The following SUPT3H variants were observed in gnomAD, a reference collection of about 807,000 sequenced individuals.
The protein encoded by SUPT3H is SPT3 homolog, SAGA and STAGA complex component, also known as transcription initiation protein SPT3 homolog.
A neutral mutation model predicts 44.3 loss-of-function variants in SUPT3H; 44 were observed. That is an observed-to-expected ratio of 0.99 (90% confidence interval 0.78 to 1.28). The LOEUF (loss-of-function observed/expected upper bound fraction) is 1.28. SUPT3H is among the 50% of genes most tolerant of loss of function. The pLI, the probability that SUPT3H is intolerant of heterozygous loss-of-function variation, is 0.00. For synonymous variants in SUPT3H, 124 were observed against 125.6 expected, an observed-to-expected ratio of 0.99 and a Z score of 0.09; for missense variants, 380 against 387.1, an observed-to-expected ratio of 0.98 and a Z score of 0.15.
chr6:45,162,026 C>T (rs114958522), intron 2 of SUPT3H, among the ~76,000 whole-genome samples: 2,662 of 129,222 alleles, frequency 0.021, 53 homozygotes, highest in South Asian at 0.11. Context: ...CTCTTCAGAA[C>T]ATGTTTAAAA....
chr6:44,929,201 A>T (rs1481705697), intron 10 of SUPT3H, among the ~76,000 whole-genome samples: 3 of 152,118 alleles, frequency 2.0e-5, no homozygotes. Context: ...ATTCACTTAC[A>T]ATTCTTTATA....
At chr6:45,168,928 C>A (rs1375729693) in intron 2 of SUPT3H, among the ~76,000 whole-genome samples, 3 of 152,170 alleles carry the variant, frequency 2.0e-5, no homozygotes, top group South Asian at 2.1e-4. Flanking sequence ...AAAAACTGAT[C>A]AGATTCTGCT....
intron 3 of SUPT3H, among the ~76,000 whole-genome samples, chr6:45,030,984 A>T (rs977337849): frequency 2.6e-5 from 4 of 152,150 alleles, no homozygotes; most frequent in Admixed American, 1.3e-4. Context: ...CCTCCAAGTT[A>T]TAGTCGAATA....
At chr6:45,229,061 A>T (rs981426175) in intron 2 of SUPT3H, among the ~76,000 whole-genome samples, 6 of 152,234 alleles carry the variant, frequency 3.9e-5, no homozygotes, top group African/African-American at 1.4e-4. Context: ...ACTCCAAAAT[A>T]TGCTAAGATT....
chr6:45,179,744 C>G (rs185440886), intron 2 of SUPT3H, among the ~76,000 whole-genome samples: 1 of 152,318 alleles, frequency 6.6e-6, no homozygotes, highest in Non-Finnish European at 1.5e-5. Flanking sequence ...CTATCTATGA[C>G]AAACCCACAG....
chr6:45,137,174 C>T (rs933003868), intron 2 of SUPT3H, among the ~76,000 whole-genome samples: 3 of 151,908 alleles, frequency 2.0e-5, no homozygotes, highest in African/African-American at 7.2e-5. Flanking sequence ...AAAGGAGAAA[C>T]AAAGACATTC....
chr6:45,281,395 A>T (rs1778038224), intron 2 of SUPT3H, among the ~76,000 whole-genome samples: 1 of 152,240 alleles, frequency 6.6e-6, no homozygotes, highest in Non-Finnish European at 1.5e-5. Flanking sequence ...TCCCACCCTA[A>T]TACTGCGCTT....
intron 2 of SUPT3H, among the ~76,000 whole-genome samples, chr6:45,326,547 T>C (rs1037095952): frequency 2.0e-5 from 3 of 151,976 alleles, no homozygotes; most frequent in Non-Finnish European, 4.4e-5. Context: ...GATAAATCCA[T>C]AGTTAAAATA....
intron 10 of SUPT3H, among the ~76,000 whole-genome samples, chr6:44,852,785 T>C (rs999034432): frequency 2.6e-5 from 4 of 152,124 alleles, no homozygotes; most frequent in Non-Finnish European, 4.4e-5. Context: ...ACAAAACAAG[T>C]AATTTGTATA....
At chr6:45,170,927 C>T (rs1360320668) in intron 2 of SUPT3H, among the ~76,000 whole-genome samples, 9 of 152,126 alleles carry the variant, frequency 5.9e-5, no homozygotes, top group Admixed American at 5.2e-4. Context: ...AAAATCAAGA[C>T]ACTTCCTTGA....
Position 45,295,548 on chromosome 6 carries a change from A to AAAC in SUPT3H, c.101+69652_101+69653insGTT, listed in dbSNP as rs1554330140. Among the ~76,000 whole-genome samples, 105 of 90,256 alleles carry AAAC rather than the reference A, an allele frequency of 1.2e-3. 10 individuals are homozygous for AAAC. Among genetic ancestry groups the AAAC allele is most frequent in the African/African-American group, 4.3e-3 (102 of 23,598 alleles). 59.2% of individuals were successfully genotyped at this position (90,256 alleles called of 152,430 possible). A position where few individuals can be genotyped will look rare whatever the true frequency, so the allele number is the denominator to read the frequency against. ...GCAAAAAAAAAAAAAAAAAAAAAAA[A>AAAC]AAAAAACAGCAGAGTCAACAGACAA... is the stretch of plus-strand genomic sequence containing the variant. On this transcript the variant is annotated intron_variant, in intron 2 of 10. Transcript: ENST00000371459.
chr6:45,295,236 A>G (rs950453073), intron 2 of SUPT3H, among the ~76,000 whole-genome samples: 66 of 152,186 alleles, frequency 4.3e-4, no homozygotes, highest in African/African-American at 1.5e-3. Flanking sequence ...CAAACAAAAC[A>G]TAAATTGGGA....
At chr6:44,841,461 G>T (rs183061166) in intron 10 of SUPT3H, among the ~76,000 whole-genome samples, 57 of 152,238 alleles carry the variant, frequency 3.7e-4, no homozygotes, top group Non-Finnish European at 6.3e-4. Flanking sequence ...GTGTTGGGAG[G>T]TGTTTAAAGA....
At chr6:45,037,759 CAG>C in intron 3 of SUPT3H, among the ~76,000 whole-genome samples, 1 of 148,546 alleles carries the variant, frequency 6.7e-6, no homozygotes, top group South Asian at 2.1e-4. Flanking sequence ...AGTAGGAAAA[CAG>C]AATTAATTAA....
chr6:45,186,266 T>C (rs952694802), intron 2 of SUPT3H, among the ~76,000 whole-genome samples: 2 of 151,684 alleles, frequency 1.3e-5, no homozygotes, highest in Non-Finnish European at 2.9e-5. Context: ...AAAATCACTG[T>C]CATCCCAAGA....
chr6:45,195,266 A>G (rs1282743010), intron 2 of SUPT3H, among the ~76,000 whole-genome samples: 1 of 152,188 alleles, frequency 6.6e-6, no homozygotes, highest in East Asian at 1.9e-4. Flanking sequence ...TCTTACAGAA[A>G]AAGAGAGCAA....
intron 10 of SUPT3H, among the ~76,000 whole-genome samples, chr6:44,855,849 C>A (rs1425896339): frequency 6.6e-6 from 1 of 151,884 alleles, no homozygotes; most frequent in African/African-American, 2.4e-5. Flanking sequence ...ATACTGTCTG[C>A]CATTATGCCT....
At chr6:44,913,418 T>A (rs993700920) in intron 10 of SUPT3H, among the ~76,000 whole-genome samples, 16 of 152,136 alleles carry the variant, frequency 1.1e-4, no homozygotes, top group African/African-American at 2.4e-5. Context: ...GCTTTTTTAT[T>A]TAGCCATATA....
intron 2 of SUPT3H, among the ~76,000 whole-genome samples, chr6:45,199,327 A>G (rs1762110031): frequency 6.6e-6 from 1 of 151,312 alleles, no homozygotes; most frequent in African/African-American, 2.4e-5. Context: ...AAAATTATAT[A>G]CAAATAATGT....
Sources: gnomAD v4.1 joint callset for allele counts (sites outside exome capture counted in the v4.1 genomes callset) on GRCh38, gnomAD v4.1.1 for gene constraint, MANE v1.5 for transcripts, NCBI Gene and HGNC (gene_info 2026-07-23, HGNC 2026-07-21) for gene names.